PARP6: variants seen among roughly 807,000 people sequenced by gnomAD.
PARP6 encodes the protein protein mono-ADP-ribosyltransferase PARP6.
In PARP6, 27 loss-of-function variants were observed where a neutral mutation model predicts 92.0. The ratio of observed to expected loss-of-function variants is 0.29; its 90% CI spans 0.22 to 0.40. The LOEUF (loss-of-function observed/expected upper bound fraction) is 0.40, where lower values mean the gene tolerates loss of function less well. PARP6 is among the 10% of genes least tolerant of loss of function. The probability of loss-of-function intolerance (pLI) is 1.00; values close to 1 mark genes in which losing one functional copy is unlikely to be tolerated. For missense variants in PARP6, 501 were observed against 784.5 expected (o/e 0.64, Z 4.32); for synonymous variants, 272 against 281.2 (o/e 0.97, Z 0.33).
chr15:72,246,858 G>A (rs1335827495), intron 20 of PARP6, among the ~76,000 whole-genome samples: 2 of 151,778 alleles, frequency 1.3e-5, no homozygotes, highest in African/African-American at 4.8e-5. Context: ...AGATTCAAAC[G>A]ATTCTCCTGC....
chr15:72,257,331 G>A lies in PARP6; in HGVS notation c.999+17C>T, dbSNP rs879348019. Reference sequence around the variant, plus strand: ...TTCTTGATCCCAATTCCCCAGCCACGTTTCCCTCCCCCATACCTCTGCTCC... The same window carrying A: ...TTCTTGATCCCAATTCCCCAGCCACATTTCCCTCCCCCATACCTCTGCTCC... On this transcript the variant is annotated intron_variant, in intron 13 of 23. Coordinates refer to ENST00000569795, the MANE Select transcript of PARP6 (RefSeq NM_001323532.2). The A allele has an allele frequency of 2.8e-5, 44 of 1,583,566 alleles. No individual in the cohort carries two copies. The highest frequency in any genetic ancestry group is 3.3e-5 in the Admixed American group (2 of 59,784).
Position 72,249,260 on chromosome 15 carries a change from A to G in PARP6, c.1546T>C (p.Ser516Pro). The change falls in exon 20 of 24, where the codon TCC (serine) becomes CCC (proline). Residue 516 changes from serine (S) to proline (P), a missense_variant. This residue lies in a region of PARP6 where 191 missense variants were observed against 399.1 expected (regional missense o/e 0.48). Coordinates refer to ENST00000569795, the MANE Select transcript of PARP6 (RefSeq NM_001323532.2). ...TATTTCTTACCTGAGTATCCAAAGGAAATACTGGAGATGGGGCTCAGGTAG... is the reference window on the plus strand; with the variant it reads ...TATTTCTTACCTGAGTATCCAAAGGGAATACTGGAGATGGGGCTCAGGTAG... Reference protein sequence around the residue: ...GIYLSPISSISFGYSGMGKGQ... With the variant: ...GIYLSPISSIPFGYSGMGKGQ... 1 of 1,600,926 alleles carries G rather than the reference A, an allele frequency of 6.2e-7. No homozygotes were observed. Among genetic ancestry groups the G allele is most frequent in the Non-Finnish European group, 8.6e-7 (1 of 1,169,280 alleles).
intron 1 of PARP6, among the ~76,000 whole-genome samples, chr15:72,271,964 T>C (rs2087501322): frequency 6.6e-6 from 1 of 152,184 alleles, no homozygotes; most frequent in African/African-American, 2.4e-5. Context: ...TCAAAGCAGC[T>C]TCAGAGCTCA....
Position 72,259,588 on chromosome 15 carries a change from G to A in PARP6, c.810+20C>T. ...AGACAACAGGGAAGGGCTTCGGAGTGACAATTTTGACTTGATTACCTGAAC... is the reference window on the plus strand; with the variant it reads ...AGACAACAGGGAAGGGCTTCGGAGTAACAATTTTGACTTGATTACCTGAAC... On this transcript the variant is annotated intron_variant, in intron 11 of 23. Transcript: ENST00000569795. 6.2e-7 allele frequency: 1 copy of A among 1,612,204 alleles called. No homozygotes were observed. Among genetic ancestry groups the A allele is most frequent in the South Asian group, 1.1e-5 (1 of 90,994 alleles).
At chr15:72,260,412 C>A in intron 10 of PARP6, 66 bp downstream of exon 10, 1 of 1,328,392 alleles carries the variant, frequency 7.5e-7, no homozygotes, top group Non-Finnish European at 1.1e-6. Context: ...TTTTGAGAAA[C>A]TACACTCCCA....
At chr15:72,260,299 AGT>A (rs1413625714) in intron 10 of PARP6, among the ~76,000 whole-genome samples, 177 bp downstream of exon 10, 1 of 152,170 alleles carries the variant, frequency 6.6e-6, no homozygotes, top group African/African-American at 2.4e-5. Flanking sequence ...TGGATGACAG[AGT>A]GAGACCCTGT....
intron 2 of PARP6, among the ~76,000 whole-genome samples, chr15:72,268,346 G>A (rs1216961147): frequency 6.6e-6 from 1 of 152,214 alleles, no homozygotes; most frequent in Non-Finnish European, 1.5e-5. Context: ...TTAAGATTCA[G>A]AATCGGATTA....
At chr15:72,269,345 G>C (rs2087051848) in intron 2 of PARP6, among the ~76,000 whole-genome samples, 1 of 152,008 alleles carries the variant, frequency 6.6e-6, no homozygotes, top group Non-Finnish European at 1.5e-5. Context: ...ATTTTTAGTA[G>C]AGACGGGGTT....
chr15:72,249,909 G>A (rs931647967), intron 19 of PARP6, 111 bp downstream of exon 19: 50 of 711,018 alleles, frequency 7.0e-5, no homozygotes, highest in Non-Finnish European at 1.1e-4. Context: ...CACAAGACAG[G>A]TTAGGCTTGA....
chr15:72,249,573 T>C (rs1022384804), intron 19 of PARP6, among the ~76,000 whole-genome samples: 2 of 152,246 alleles, frequency 1.3e-5, no homozygotes, highest in African/African-American at 4.8e-5. Flanking sequence ...GCATTCATTT[T>C]CCTGTCTCCA....
Position 72,265,123 on chromosome 15 carries a change from A to G in PARP6, c.286T>C (p.Leu96=), listed in dbSNP as rs769656105. ...WKVLRTEPIV[L]RLRFSLSQYL... is the part of the protein sequence containing the mutation. ...TGGGAGAGAGAAAATCGCAGCCTCA[A>G]CACAATAGGTTCTGTCCGGAGGACC... Residue 96 remains leucine (L), a synonymous_variant, in exon 7 of 24, where the codon TTG becomes CTG. Transcript: ENST00000569795. The G allele has an allele frequency of 2.5e-6, 4 of 1,613,792 alleles. No homozygotes were observed.
chr15:72,267,208 T>C (rs2086714122), intron 3 of PARP6: 1 of 564,530 alleles, frequency 1.8e-6, no homozygotes. Flanking sequence ...CCTAAGACAG[T>C]TCCCAAGCAC....
Position 72,261,539 on chromosome 15 carries a change from A to T in PARP6, c.545+19T>A, listed in dbSNP as rs1006428129. 6.2e-7 allele frequency: 1 copy of T among 1,612,088 alleles called. No individual in the cohort carries two copies. Among genetic ancestry groups the T allele is most frequent in the African/African-American group, 1.3e-5 (1 of 74,858 alleles). ...TATCACAAGGTGTTTACAGATGATCAGCTTTAGGGAGCACTTACTTGGGGA... is the reference window on the plus strand; with the variant it reads ...TATCACAAGGTGTTTACAGATGATCTGCTTTAGGGAGCACTTACTTGGGGA... On this transcript the variant is annotated intron_variant, in intron 9 of 23. Coordinates refer to ENST00000569795, the MANE Select transcript of PARP6 (RefSeq NM_001323532.2).
intron 20 of PARP6, among the ~76,000 whole-genome samples, chr15:72,246,595 TTTTG>T (rs1391781843): frequency 6.6e-6 from 1 of 152,208 alleles, no homozygotes; most frequent in Non-Finnish European, 1.5e-5. Context: ...GTTATTATTC[TTTTG>T]TTTTTTCTTT....
chr15:72,261,750 G>T, intron 8 of PARP6, 43 bp from the exon 9 acceptor site: 1 of 1,598,904 alleles, frequency 6.3e-7, no homozygotes, highest in Non-Finnish European at 8.6e-7. Flanking sequence ...ATGAGGCAGG[G>T]TCAAGAAATA....
chr15:72,241,313 G>T lies in PARP6; in HGVS notation c.*142C>A. ...TCTTGGGTCAAGCTCTACCATGAAG[G>T]CCACCTCTTACATATCCTTTTCCTG... On this transcript the variant is annotated 3_prime_UTR_variant, in exon 24 of 24. Transcript: ENST00000569795. The surrounding 1 kb of genome is among the most constrained non-coding windows in gnomAD (Gnocchi z 4.1). 1.4e-6 allele frequency: 1 copy of T among 713,308 alleles called. No homozygotes were observed. The highest frequency in any genetic ancestry group is 2.6e-6 in the Non-Finnish European group (1 of 391,208). The allele number at this position is 713,308 out of a possible 1,614,324, so 44.2% of individuals were successfully genotyped here. A position where few individuals can be genotyped will look rare whatever the true frequency, so the allele number is the denominator to read the frequency against.
intron 15 of PARP6, 43 bp from the exon 16 acceptor site, chr15:72,253,547 G>T (rs775500277): frequency 6.6e-7 from 1 of 1,503,784 alleles, no homozygotes; most frequent in Non-Finnish European, 9.2e-7. Context: ...GGAGAGGTGG[G>T]AGCCTACCTG....
rs2141037247 is a variant in PARP6 at position 72,260,670 on chromosome 15, G to A, written c.564C>T (p.Ile188=). 6.2e-7 allele frequency: 1 copy of A among 1,613,614 alleles called. No homozygotes were observed. The highest frequency in any genetic ancestry group is 8.5e-7 in the Non-Finnish European group (1 of 1,179,502). ...TGCCTTTCAGCATGGAGTCCTGTATGATAGGGAAACTGGGAGACCTGCAGA... is the reference window on the plus strand; with the variant it reads ...TGCCTTTCAGCATGGAGTCCTGTATAATAGGGAAACTGGGAGACCTGCAGA... ...SPIPKSPSFP[I]IQDSMLKGKL... Residue 188 remains isoleucine (I), a synonymous_variant, in exon 10 of 24, where the codon ATC becomes ATT. Coordinates refer to ENST00000569795, the MANE Select transcript of PARP6 (RefSeq NM_001323532.2).
intron 2 of PARP6, among the ~76,000 whole-genome samples, chr15:72,270,513 C>T (rs1218787268): frequency 6.6e-6 from 1 of 152,212 alleles, no homozygotes; most frequent in Non-Finnish European, 1.5e-5. Flanking sequence ...ACAATTGCCT[C>T]ATTACTGTTC....
Sources: allele counts gnomAD v4.1 joint callset (sites outside exome capture counted in the v4.1 genomes callset), GRCh38; gene constraint gnomAD v4.1.1; regional missense constraint gnomAD v4.1.1; non-coding constraint Gnocchi (gnomAD v3.1); transcripts MANE v1.5; gene names NCBI Gene and HGNC (gene_info 2026-07-23, HGNC 2026-07-21).